MAGI2: variants seen among roughly 807,000 people sequenced by gnomAD.
The protein encoded by MAGI2 is membrane-associated guanylate kinase, WW and PDZ domain-containing protein 2.
Under a neutral mutation model 133.3 loss-of-function variants are expected in MAGI2, and 35 were observed. The ratio of observed to expected loss-of-function variants is 0.26; its 90% CI spans 0.20 to 0.35. The LOEUF is 0.35. Among genes scored for constraint, MAGI2 ranks in the 10% least tolerant of loss-of-function variants. The pLI is 1.00. For synonymous variants in MAGI2, 729 were observed against 710.6 expected (o/e 1.03, Z -0.41); for missense variants, 1,636 against 1,863.4 (o/e 0.88, Z 2.25).
At chr7:78,129,400 C>T (rs1415911036) in intron 18 of MAGI2, among the ~76,000 whole-genome samples, 2 of 152,160 alleles carry the variant, frequency 1.3e-5, no homozygotes, top group African/African-American at 4.8e-5. Flanking sequence ...AATTATGTTG[C>T]TTTGAATGTG....
At chr7:79,229,857 A>T (rs1440838819) in intron 1 of MAGI2, among the ~76,000 whole-genome samples, 1 of 151,314 alleles carries the variant, frequency 6.6e-6, no homozygotes, top group Non-Finnish European at 1.5e-5. Context: ...GGTTAGTTAC[A>T]TATGTATACA....
At chr7:78,866,342 G>A (rs1170610067) in intron 2 of MAGI2, among the ~76,000 whole-genome samples, 1 of 152,022 alleles carries the variant, frequency 6.6e-6, no homozygotes, top group Non-Finnish European at 1.5e-5. Flanking sequence ...AGAGACACTT[G>A]TGAAAGTGAG....
intron 1 of MAGI2, among the ~76,000 whole-genome samples, chr7:79,271,682 G>A (rs201636553): frequency 1.8e-5 from 1 of 55,816 alleles, no homozygotes; most frequent in Non-Finnish European, 4.3e-5. Flanking sequence ...TTTTTTTTTT[G>A]TGAAGACTGT....
chr7:78,065,197 G>T (rs1443974997), intron 21 of MAGI2, among the ~76,000 whole-genome samples: 1 of 152,128 alleles, frequency 6.6e-6, no homozygotes, highest in African/African-American at 2.4e-5. Context: ...GACACAAAAA[G>T]GATAGCTTAG....
intron 2 of MAGI2, among the ~76,000 whole-genome samples, chr7:78,724,480 G>A (rs1236786813): frequency 4.6e-5 from 7 of 152,172 alleles, no homozygotes; most frequent in Non-Finnish European, 1.5e-5. Context: ...TTTTAAAAAT[G>A]AGAAGGTGCA....
At chr7:79,294,614 T>C (rs1836766693) in intron 1 of MAGI2, among the ~76,000 whole-genome samples, 1 of 152,098 alleles carries the variant, frequency 6.6e-6, no homozygotes, top group Non-Finnish European at 1.5e-5. Flanking sequence ...GAGGAGTTTA[T>C]TCTTTTTCTT....
intron 2 of MAGI2, among the ~76,000 whole-genome samples, chr7:78,914,765 A>C (rs1479501235): frequency 6.6e-6 from 1 of 152,156 alleles, no homozygotes; most frequent in Non-Finnish European, 1.5e-5. Flanking sequence ...AAATACTTAA[A>C]AAAGTGTCTC....
At chr7:79,085,823 T>G (rs957045767) in intron 1 of MAGI2, among the ~76,000 whole-genome samples, 5 of 152,042 alleles carry the variant, frequency 3.3e-5, no homozygotes, top group African/African-American at 1.2e-4. Flanking sequence ...TTTGAATCAC[T>G]AAGTTTCCCA....
intron 3 of MAGI2, among the ~76,000 whole-genome samples, chr7:78,528,475 C>T (rs973529167): frequency 6.6e-6 from 1 of 152,068 alleles, no homozygotes; most frequent in African/African-American, 2.4e-5. Flanking sequence ...TACCAAAAAC[C>T]ATTCTAACTC....
intron 1 of MAGI2, among the ~76,000 whole-genome samples, chr7:79,369,751 T>C (rs949649593): frequency 1.3e-5 from 2 of 152,138 alleles, no homozygotes; most frequent in Non-Finnish European, 2.9e-5. Flanking sequence ...GTTTATTGCT[T>C]TTCAGGTGTT....
chr7:78,469,145 T>C (rs1471406112), intron 6 of MAGI2, among the ~76,000 whole-genome samples: 5 of 152,180 alleles, frequency 3.3e-5, no homozygotes, highest in East Asian at 1.9e-4. Context: ...TACACAAATA[T>C]GTATACTCTC....
At chr7:78,667,978 A>T (rs1232802781) in intron 2 of MAGI2, among the ~76,000 whole-genome samples, 3 of 152,152 alleles carry the variant, frequency 2.0e-5, no homozygotes, top group Non-Finnish European at 4.4e-5. Context: ...TGACTTCCAC[A>T]ATGGTTGAAC....
intron 6 of MAGI2, among the ~76,000 whole-genome samples, chr7:78,472,999 TG>T (rs1225567487): frequency 6.6e-6 from 1 of 152,094 alleles, no homozygotes; most frequent in African/African-American, 2.4e-5. Flanking sequence ...GCAATTAGTT[TG>T]GGGGAAATTA....
chr7:78,903,580 A>G (rs1361421650), intron 2 of MAGI2, among the ~76,000 whole-genome samples: 1 of 152,138 alleles, frequency 6.6e-6, no homozygotes. Context: ...TTAAGCAAAT[A>G]AGACAATGGA....
chr7:79,134,985 G>A lies in MAGI2; in HGVS notation c.302-127779C>T, dbSNP rs372591832. On this transcript the variant is annotated intron_variant, in intron 1 of 21. Transcript: ENST00000354212. ...ATATTTTGAGATGGATAGTGTTATGGGGTTGGCTGGGTAAGAATAGATGAC... is the reference window on the plus strand; with the variant it reads ...ATATTTTGAGATGGATAGTGTTATGAGGTTGGCTGGGTAAGAATAGATGAC... Among the ~76,000 whole-genome samples the A allele has an allele frequency of 1.2e-3, 190 of 152,300 alleles. 3 individuals carry two copies. The South Asian group carries it at 0.038, about 30-fold the overall frequency.
At position 78,160,262 on chromosome 7, in the gene MAGI2, G is replaced by C; in HGVS notation, c.2608C>G (p.Pro870Ala). ...RKVLCGGEPC[P>A]ENGRSPGSVS... ...GAGCCTGGACTTCTCCCGTTCTCTGGGCAGGGCTCCCCTGCAAAATATACC... is the reference window on the plus strand; with the variant it reads ...GAGCCTGGACTTCTCCCGTTCTCTGCGCAGGGCTCCCCTGCAAAATATACC... The change falls in exon 16 of 22, where the codon CCA (proline) becomes GCA (alanine). Residue 870 changes from proline to alanine, a missense_variant. By Grantham distance (27) the Pro-to-Ala change is conservative. Transcript: ENST00000354212. 6.3e-7 allele frequency: 1 copy of C among 1,590,408 alleles called. No homozygotes were observed. The highest frequency in any genetic ancestry group is 8.6e-7 in the Non-Finnish European group (1 of 1,167,308).
rs181533053 is a variant in MAGI2 at position 78,283,448 on chromosome 7, A to G, written c.1409-26867T>C. Among the ~76,000 whole-genome samples the G allele has an allele frequency of 3.2e-3, 488 of 152,226 alleles. 5 individuals carry two copies. Among genetic ancestry groups the G allele is most frequent in the Non-Finnish European group, 3.6e-3 (248 of 67,984 alleles). Reference sequence around the variant, plus strand: ...AGGTCAGTCTGATATTGTGTCAAACATATCCTTTATTAACCTGAATAAGTA... The same window carrying G: ...AGGTCAGTCTGATATTGTGTCAAACGTATCCTTTATTAACCTGAATAAGTA... On this transcript the variant is annotated intron_variant, in intron 9 of 21. Coordinates refer to ENST00000354212, the MANE Select transcript of MAGI2 (RefSeq NM_012301.4).
At chr7:78,128,251 G>A (rs1325814148) in intron 18 of MAGI2, among the ~76,000 whole-genome samples, 1 of 152,150 alleles carries the variant, frequency 6.6e-6, no homozygotes, top group East Asian at 1.9e-4. Context: ...TTTAAGCTGA[G>A]GGGGTTACTA....
intron 9 of MAGI2, among the ~76,000 whole-genome samples, chr7:78,288,125 A>G (rs1307479486): frequency 6.6e-6 from 1 of 152,198 alleles, no homozygotes; most frequent in African/African-American, 2.4e-5. Context: ...TCACTTAATA[A>G]GCAGAATAGA....
Sources: allele counts gnomAD v4.1 joint callset (sites outside exome capture counted in the v4.1 genomes callset), GRCh38; gene constraint gnomAD v4.1.1; transcripts MANE v1.5; gene names NCBI Gene and HGNC (gene_info 2026-07-23, HGNC 2026-07-21).